ULK2: variants seen among roughly 807,000 people sequenced by gnomAD.
The protein encoded by ULK2 is unc-51 like autophagy activating kinase 2.
A neutral mutation model predicts 127.5 loss-of-function variants in ULK2; 76 were observed. The ratio of observed to expected loss-of-function variants is 0.60; its 90% CI spans 0.50 to 0.72. The LOEUF (loss-of-function observed/expected upper bound fraction) is 0.72. Ranked by LOEUF, ULK2 falls within the 30% of genes least tolerant of loss-of-function variation. The probability of loss-of-function intolerance (pLI) is 0.00; values close to 1 mark genes in which losing one functional copy is unlikely to be tolerated. For synonymous variants in ULK2, 452 were observed against 461.9 expected, an observed-to-expected ratio of 0.98 and a Z score of 0.28; for missense variants, 1,144 against 1,295.9, an observed-to-expected ratio of 0.88 and a Z score of 1.80.
At chr17:19,799,081 A>C (rs563526346) in intron 17 of ULK2, among the ~76,000 whole-genome samples, 7 of 151,654 alleles carry the variant, frequency 4.6e-5, no homozygotes, top group Non-Finnish European at 2.9e-5. Context: ...GAATTGCTTG[A>C]GCCCAGGAGG....
At chr17:19,843,015 G>T in intron 8 of ULK2, 106 bp downstream of exon 8, 1 of 946,582 alleles carries the variant, frequency 1.1e-6, no homozygotes, top group Non-Finnish European at 1.7e-6. Flanking sequence ...AACTCACAGA[G>T]GAGCCAAAAA....
At chr17:19,834,001 T>C (rs189567068) in intron 10 of ULK2, among the ~76,000 whole-genome samples, 1 of 152,160 alleles carries the variant, frequency 6.6e-6, no homozygotes, top group Admixed American at 6.5e-5. Context: ...GAGATACACA[T>C]CTAGACACAT....
Position 19,771,067 on chromosome 17 carries a change from C to T in ULK2, c.*5282G>A, listed in dbSNP as rs1482930731. The T allele has an allele frequency of 2.0e-5, 3 of 152,210 alleles. No individual in the cohort carries two copies. Among genetic ancestry groups the T allele is most frequent in the Non-Finnish European group, 2.9e-5 (2 of 68,076 alleles). 9.4% of individuals were successfully genotyped at this position (152,210 alleles called of 1,614,324 possible). A position where few individuals can be genotyped will look rare whatever the true frequency, so the allele number is the denominator to read the frequency against. On this transcript the variant is annotated 3_prime_UTR_variant, in exon 27 of 27. Coordinates refer to ENST00000395544, the MANE Select transcript of ULK2 (RefSeq NM_014683.4). The stretch of plus-strand genomic sequence containing the variant: ...AAAGCTCTTCCTTCCTTCCCCTCTT[C>T]CTGTACATCAGAAAGAATGCATTAG...
chr17:19,845,099 G>C (rs2041849051), intron 7 of ULK2, among the ~76,000 whole-genome samples: 1 of 151,906 alleles, frequency 6.6e-6, no homozygotes, highest in African/African-American at 2.4e-5. Flanking sequence ...AAAACAAATG[G>C]GCAAAAATGA....
At chr17:19,833,793 A>C (rs958891303) in intron 10 of ULK2, among the ~76,000 whole-genome samples, 1 of 152,222 alleles carries the variant, frequency 6.6e-6, no homozygotes, top group African/African-American at 2.4e-5. Context: ...AACAATATGG[A>C]AAAATGAACA....
intron 2 of ULK2, among the ~76,000 whole-genome samples, chr17:19,865,048 C>T (rs1227907055): frequency 6.6e-6 from 1 of 151,744 alleles, no homozygotes; most frequent in Non-Finnish European, 1.5e-5. Context: ...TGATTTTTAG[C>T]TCAAAGAGCT....
At chr17:19,836,313 G>A (rs1431304581) in intron 10 of ULK2, among the ~76,000 whole-genome samples, 2 of 152,180 alleles carry the variant, frequency 1.3e-5, no homozygotes, top group East Asian at 3.9e-4. Flanking sequence ...GAAGGCTAAG[G>A]CAGGAGAATC....
chr17:19,814,502 A>C (rs932821053), intron 13 of ULK2, among the ~76,000 whole-genome samples: 1 of 128,798 alleles, frequency 7.8e-6, no homozygotes, highest in South Asian at 2.6e-4. Flanking sequence ...GCTGGAGTGC[A>C]GTGGCACAAT....
Position 19,807,177 on chromosome 17 carries a change from T to A in ULK2, c.1158-2347A>T, listed in dbSNP as rs1024197441. 5.9e-5 allele frequency among the ~76,000 whole-genome samples: 9 copies of A among 152,332 alleles called. No homozygotes were observed. In the East Asian group the frequency reaches 1.7e-3, roughly 29 times the overall value. On this transcript the variant is annotated intron_variant, in intron 14 of 26. Coordinates refer to ENST00000395544, the MANE Select transcript of ULK2 (RefSeq NM_014683.4). ...ATGCTAAGCCACAGTTGTGAGCTCA[T>A]GCTCATGAGGCTGTGTAAGTGATGG...
chr17:19,814,451 T>G (rs1380226971), intron 13 of ULK2, among the ~76,000 whole-genome samples: 1 of 67,382 alleles, frequency 1.5e-5, no homozygotes, highest in South Asian at 4.9e-4. Context: ...TTTTTTTTTT[T>G]TTTTTTTTTT....
chr17:19,817,353 TA>T (rs2041016587), intron 12 of ULK2, among the ~76,000 whole-genome samples: 1 of 152,086 alleles, frequency 6.6e-6, no homozygotes, highest in Non-Finnish European at 1.5e-5. Flanking sequence ...TTTAAATATA[TA>T]ATGAAGAAAA....
At chr17:19,781,831 G>C (rs1462596175) in intron 23 of ULK2, 58 bp downstream of exon 23, 2 of 1,559,720 alleles carry the variant, frequency 1.3e-6, no homozygotes, top group Non-Finnish European at 8.7e-7. Context: ...CTACAACTTA[G>C]ACACAAGTTT....
At chr17:19,861,727 T>C (rs969461462) in intron 3 of ULK2, among the ~76,000 whole-genome samples, 2 of 152,204 alleles carry the variant, frequency 1.3e-5, no homozygotes, top group Admixed American at 1.3e-4. Context: ...TAAGACAAAC[T>C]ACACAAACAG....
At chr17:19,822,834 G>A (rs774798679) in intron 12 of ULK2, among the ~76,000 whole-genome samples, 7 of 152,050 alleles carry the variant, frequency 4.6e-5, no homozygotes, top group Middle Eastern at 3.4e-3. Flanking sequence ...CTACAGGCGC[G>A]TGCCACCATG....
chr17:19,840,285 C>A, intron 9 of ULK2: 1 of 526,228 alleles, frequency 1.9e-6, no homozygotes, highest in East Asian at 5.2e-5. Context: ...GTACAACAAC[C>A]CCAACCGCAG....
intron 10 of ULK2, among the ~76,000 whole-genome samples, chr17:19,835,625 G>A (rs1173574311): frequency 6.6e-6 from 1 of 150,974 alleles, no homozygotes; most frequent in Non-Finnish European, 1.5e-5. Context: ...GCTGAGGCAG[G>A]AGAATGGCAT....
Position 19,826,163 on chromosome 17 carries a change from G to T in ULK2, c.811C>A (p.Leu271Ile). 1 of 1,472,632 alleles carries T rather than the reference G, an allele frequency of 6.8e-7. No homozygotes were observed. Among genetic ancestry groups the T allele is most frequent in the Non-Finnish European group, 9.1e-7 (1 of 1,101,976 alleles). 91.2% of individuals were successfully genotyped at this position (1,472,632 alleles called of 1,614,324 possible). ...CATTTTTTTACTGGACCTTGCTCAA[G>T]AAAAGGATGGCTAAAAAATGCTTCT... Reference protein sequence around the residue: ...DFEAFFSHPFLEQGPVKKSCP... With the variant: ...DFEAFFSHPFIEQGPVKKSCP... The change falls in exon 11 of 27, where the codon CTT (leucine) becomes ATT (isoleucine). Residue 271 changes from leucine (L) to isoleucine (I), a missense_variant. Coordinates refer to ENST00000395544, the MANE Select transcript of ULK2 (RefSeq NM_014683.4).
At position 19,776,407 on chromosome 17, in the gene ULK2, T is replaced by A; in HGVS notation, c.3053A>T (p.Tyr1018Phe). Reference protein sequence around the residue: ...DPADIENVHKYKCSIERRLSA... With the variant: ...DPADIENVHKFKCSIERRLSA... The stretch of plus-strand genomic sequence containing the variant: ...CAGTCTTCTCTCAATACTACATTTA[T>A]CTAGAAATAAAATAACAAAAATGAA... The change falls in exon 27 of 27, where the codon TAT (tyrosine) becomes TTT (phenylalanine). Residue 1018 changes from tyrosine to phenylalanine, a missense_variant and splice_region_variant. This residue lies in a region of ULK2 where 913 missense variants were observed against 970.5 expected (regional missense o/e 0.94). Coordinates refer to ENST00000395544, the MANE Select transcript of ULK2 (RefSeq NM_014683.4). 1 of 1,590,590 alleles carries A rather than the reference T, an allele frequency of 6.3e-7. No homozygotes were observed. Among genetic ancestry groups the A allele is most frequent in the Non-Finnish European group, 8.6e-7 (1 of 1,168,514 alleles).
At chr17:19,840,476 G>T in intron 9 of ULK2, 1 of 459,630 alleles carries the variant, frequency 2.2e-6, no homozygotes, top group Non-Finnish European at 4.3e-6. Flanking sequence ...AACTTATCCG[G>T]GAAGGAAAAT....
Sources: allele counts gnomAD v4.1 joint callset (sites outside exome capture counted in the v4.1 genomes callset), GRCh38; gene constraint gnomAD v4.1.1; regional missense constraint gnomAD v4.1.1; transcripts MANE v1.5; gene names NCBI Gene and HGNC (gene_info 2026-07-23, HGNC 2026-07-21).